Variants in MPPED1 observed in about 807,000 individuals in gnomAD.
The protein encoded by MPPED1 is metallophosphoesterase domain-containing protein 1.
Under a neutral mutation model 36.2 loss-of-function variants are expected in MPPED1, and 16 were observed. That is an observed-to-expected ratio of 0.44 (90% CI 0.30 to 0.67). MPPED1 has a LOEUF of 0.67. Among genes scored for constraint, MPPED1 ranks in the 30% least tolerant of loss-of-function variants. The pLI, the probability that MPPED1 is intolerant of heterozygous loss-of-function variation, is 0.10. For missense variants in MPPED1, 307 were observed against 453.4 expected, an observed-to-expected ratio of 0.68 and a Z score of 2.93; for synonymous variants, 199 against 191.3, an observed-to-expected ratio of 1.04 and a Z score of -0.33.
rs1669922216 is a variant in MPPED1 at position 43,474,132 on chromosome 22, G to A, written c.407-604G>A. ...CTTGCAATTCCTTTTGGAAAGTGGA[G>A]GATAAAGAGTCCAAGATACCCAGGG... is the stretch of plus-strand genomic sequence containing the variant. On this transcript the variant is annotated intron_variant, in intron 3 of 6. Transcript: ENST00000443721. The surrounding 1 kb of genome is among the most constrained non-coding windows in gnomAD (Gnocchi z 5.2). Among the ~76,000 whole-genome samples the A allele has an allele frequency of 6.6e-6, 1 of 152,236 alleles. No homozygotes were observed. Among genetic ancestry groups the A allele is most frequent in the South Asian group, 2.1e-4 (1 of 4,826 alleles).
chr22:43,437,104 A>G (rs1929987660), intron 3 of MPPED1, among the ~76,000 whole-genome samples: 1 of 152,212 alleles, frequency 6.6e-6, no homozygotes, highest in African/African-American at 2.4e-5. Context: ...GAGCATTTGC[A>G]TGGGGGTGAG....
chr22:43,439,156 G>A (rs1930063789), intron 3 of MPPED1, among the ~76,000 whole-genome samples: 1 of 152,238 alleles, frequency 6.6e-6, no homozygotes, highest in African/African-American at 2.4e-5. Context: ...CAGCTCGGCT[G>A]TGACTGGTGT....
intron 3 of MPPED1, among the ~76,000 whole-genome samples, chr22:43,472,905 G>A (rs905956800): frequency 7.9e-5 from 12 of 152,208 alleles, no homozygotes; most frequent in African/African-American, 2.9e-4. Context: ...TGTAGTTATA[G>A]GACATGTACT....
At chr22:43,500,367 A>G (rs866107876) in intron 5 of MPPED1, among the ~76,000 whole-genome samples, 976 of 57,568 alleles carry the variant, frequency 0.017, 7 homozygotes, top group African/African-American at 0.061. Flanking sequence ...GGAGGTGGTG[A>G]TGGGGGTGGT....
At chr22:43,498,171 C>T in intron 4 of MPPED1, 64 bp from the exon 5 acceptor site, 1 of 1,330,278 alleles carries the variant, frequency 7.5e-7, no homozygotes, top group African/African-American at 1.5e-5. Context: ...GGGAGCTCCG[C>T]ATTCCCTCTG....
In MPPED1 at chr22:43,424,960, G is replaced by C; in HGVS notation, c.-26G>C. 1 of 1,557,222 alleles carries C rather than the reference G, an allele frequency of 6.4e-7. No individual in the cohort carries two copies. Among genetic ancestry groups the C allele is most frequent in the East Asian group, 2.4e-5 (1 of 41,452 alleles). The stretch of plus-strand genomic sequence containing the variant: ...GGCTGCGGTGGCGGCAGCGGTGGGA[G>C]ATGCCGGGGCGGCCGGCGGAGGTCC... On this transcript the variant is annotated 5_prime_UTR_variant, in exon 2 of 7. Coordinates refer to ENST00000443721, the MANE Select transcript of MPPED1 (RefSeq NM_001044370.2).
intron 3 of MPPED1, among the ~76,000 whole-genome samples, chr22:43,462,493 A>G (rs376482367): frequency 6.6e-6 from 1 of 152,192 alleles, no homozygotes; most frequent in East Asian, 1.9e-4. Flanking sequence ...AGATTTAGAG[A>G]TTTAGCTTCC....
chr22:43,479,161 T>G (rs1233867770), intron 4 of MPPED1, among the ~76,000 whole-genome samples: 1 of 152,130 alleles, frequency 6.6e-6, no homozygotes, highest in Non-Finnish European at 1.5e-5. Flanking sequence ...ATATGGCAGC[T>G]CATTCGGGGG....
intron 2 of MPPED1, among the ~76,000 whole-genome samples, chr22:43,430,204 G>A (rs1929624732): frequency 6.6e-6 from 1 of 152,302 alleles, no homozygotes; most frequent in South Asian, 2.1e-4. Context: ...ATGTCTGCAG[G>A]AATAGGGTTA....
intron 5 of MPPED1, among the ~76,000 whole-genome samples, chr22:43,500,278 C>CGGTGGTGGTGGTGGT (rs1347664663): frequency 1.0e-4 from 2 of 19,866 alleles, no homozygotes; most frequent in East Asian, 1.6e-3. Flanking sequence ...ATGGAGGTGG[C>CGGTGGTGGTGGTGGT]GGTGGTGATG....
chr22:43,430,394 C>T (rs1929632516), intron 2 of MPPED1, among the ~76,000 whole-genome samples: 1 of 152,212 alleles, frequency 6.6e-6, no homozygotes, highest in Non-Finnish European at 1.5e-5. Context: ...CACAACATGA[C>T]AAAGAGGGAG....
rs955337615 is a variant in MPPED1 at position 43,505,721 on chromosome 22, G to A, written c.*105G>A. ...TTGCCTGGACGACCCATCTGGCTGC[G>A]GGGACTGGCCTAGCAGGCAGGTCAG... On this transcript the variant is annotated 3_prime_UTR_variant, in exon 7 of 7. Coordinates refer to ENST00000443721, the MANE Select transcript of MPPED1 (RefSeq NM_001044370.2). 3 of 1,016,092 alleles carry A rather than the reference G, an allele frequency of 3.0e-6. No individual in the cohort carries two copies. The highest frequency in any genetic ancestry group is 2.6e-5 in the East Asian group (1 of 37,996). The allele number at this position is 1,016,092 out of a possible 1,614,324, so 62.9% of individuals were successfully genotyped here.
intron 1 of MPPED1, among the ~76,000 whole-genome samples, chr22:43,420,599 T>A (rs924180363): frequency 2.0e-5 from 3 of 151,998 alleles, no homozygotes; most frequent in African/African-American, 7.3e-5. Flanking sequence ...ACAGGGTTTC[T>A]CCATGTTGGT....
intron 6 of MPPED1, among the ~76,000 whole-genome samples, chr22:43,505,143 GTGA>G (rs1014487943): frequency 7.9e-5 from 12 of 151,866 alleles, no homozygotes; most frequent in Non-Finnish European, 1.6e-4. Flanking sequence ...AAGGGTGGTG[GTGA>G]TGATGATGTT....
At chr22:43,427,274 G>A (rs1489903478) in intron 2 of MPPED1, among the ~76,000 whole-genome samples, 1 of 152,178 alleles carries the variant, frequency 6.6e-6, no homozygotes, top group African/African-American at 2.4e-5. Flanking sequence ...CTGAGGAGGT[G>A]CTTCCCAGTT....
Position 43,435,063 on chromosome 22 carries a change from A to G in MPPED1, c.254A>G (p.Lys85Arg), listed in dbSNP as rs768475765. Residue 85 changes from lysine to arginine, a missense_variant, in exon 3 of 7, where the codon AAA (lysine) becomes AGA (arginine). Around this residue, in one of 3 missense-constraint regions of MPPED1, gnomAD observed 169 missense variants for 212.3 expected, o/e 0.80. Transcript: ENST00000443721. ...MVDPVPHDAP[K>R]PPGYTRFVCV... ...GACCCGGTGCCTCACGATGCCCCCAAACCTCCAGGCTACACCCGCTTCGTC... is the reference window on the plus strand; with the variant it reads ...GACCCGGTGCCTCACGATGCCCCCAGACCTCCAGGCTACACCCGCTTCGTC... 16 of 1,613,714 alleles carry G rather than the reference A, an allele frequency of 9.9e-6. 1 individual carries two copies. In the South Asian group the frequency reaches 1.5e-4, roughly 16 times the overall value.
chr22:43,436,422 G>T (rs561635971), intron 3 of MPPED1, among the ~76,000 whole-genome samples: 3 of 152,374 alleles, frequency 2.0e-5, no homozygotes, highest in Non-Finnish European at 2.9e-5. Context: ...TGAGCCAGGG[G>T]CCCGACTCTG....
At chr22:43,461,683 C>T (rs2146867827) in intron 3 of MPPED1, among the ~76,000 whole-genome samples, 1 of 152,248 alleles carries the variant, frequency 6.6e-6, no homozygotes, top group South Asian at 2.1e-4. Context: ...AAATGTATGA[C>T]AGCACTCTTT....
intron 6 of MPPED1, among the ~76,000 whole-genome samples, chr22:43,504,542 TTGG>T (rs986331933): frequency 2.6e-4 from 39 of 150,694 alleles, no homozygotes; most frequent in African/African-American, 8.3e-4. Flanking sequence ...AATGATGATG[TTGG>T]TGGTGATAGC....
Sources: gnomAD v4.1 joint callset for allele counts (sites outside exome capture counted in the v4.1 genomes callset) on GRCh38, gnomAD v4.1.1 for gene constraint, gnomAD v4.1.1 regional missense constraint, Gnocchi (gnomAD v3.1) non-coding constraint, MANE v1.5 for transcripts, NCBI Gene and HGNC (gene_info 2026-07-23, HGNC 2026-07-21) for gene names.